EXOSC2: variants seen among roughly 807,000 people sequenced by gnomAD.
The protein encoded by EXOSC2 is exosome complex component RRP4.
Under a neutral mutation model 37.6 loss-of-function variants are expected in EXOSC2, and 29 were observed. That is an observed-to-expected ratio of 0.77 (90% CI 0.57 to 1.05). The LOEUF (loss-of-function observed/expected upper bound fraction) is 1.05. Among genes scored for constraint, EXOSC2 ranks in the 50% least tolerant of loss-of-function variants. The pLI, the probability that EXOSC2 is intolerant of heterozygous loss-of-function variation, is 0.00. For missense variants in EXOSC2, 346 were observed against 365.6 expected (o/e 0.95, Z 0.44); for synonymous variants, 119 against 131.1 (o/e 0.91, Z 0.63).
Position 130,702,322 on chromosome 9 carries a change from C to T in EXOSC2, c.672+12C>T, listed in dbSNP as rs2132642866. The stretch of plus-strand genomic sequence containing the variant: ...TTGCAAACCTGGAGGTGAGCAAACA[C>T]TGTGGCCATTTTCAGTGGGATGGAG... On this transcript the variant is annotated intron_variant, in intron 7 of 8. Coordinates refer to ENST00000372358, the MANE Select transcript of EXOSC2 (RefSeq NM_014285.7). 6.2e-7 allele frequency: 1 copy of T among 1,608,384 alleles called. No individual in the cohort carries two copies. The highest frequency in any genetic ancestry group is 2.2e-5 in the East Asian group (1 of 44,776).
At chr9:130,701,996 G>A in intron 6 of EXOSC2, 138 bp from the exon 7 acceptor site, 2 of 1,454,176 alleles carry the variant, frequency 1.4e-6, no homozygotes, top group Non-Finnish European at 1.8e-6. Context: ...TGTGTACTAT[G>A]TGTATGCATG....
Position 130,694,949 on chromosome 9 carries a change from G to A in EXOSC2, c.123-543G>A, listed in dbSNP as rs955857620. On this transcript the variant is annotated intron_variant, in intron 1 of 8. Transcript: ENST00000372358. The surrounding 1 kb of genome is among the most constrained non-coding windows in gnomAD (Gnocchi z 4.0). ...TGGTCTCGATCCCCTGACCTCAAGT[G>A]TGATCTGCCCGCCTCGGCCTCCCAA... 2.6e-5 allele frequency among the ~76,000 whole-genome samples: 4 copies of A among 151,696 alleles called. No individual in the cohort carries two copies. Among genetic ancestry groups the A allele is most frequent in the African/African-American group, 4.8e-5 (2 of 41,260 alleles).
At chr9:130,696,552 G>A (rs1448346570) in intron 2 of EXOSC2, among the ~76,000 whole-genome samples, 12 of 152,202 alleles carry the variant, frequency 7.9e-5, no homozygotes, top group Admixed American at 7.8e-4. Flanking sequence ...ACTAAGGTGG[G>A]AGCAGTGGAA....
chr9:130,693,770 T>A (rs777434826), upstream of EXOSC2: 1 of 1,569,386 alleles, frequency 6.4e-7, no homozygotes, highest in East Asian at 2.4e-5. Context: ...GAGCTGCGCC[T>A]GCGCAACTCA....
chr9:130,696,897 G>A (rs1387773777), intron 2 of EXOSC2, among the ~76,000 whole-genome samples: 5 of 152,158 alleles, frequency 3.3e-5, no homozygotes, highest in South Asian at 4.1e-4. Context: ...CCCCTATCTC[G>A]GTTTGCTATG....
intron 6 of EXOSC2, 48 bp from the exon 7 acceptor site, chr9:130,702,086 C>T (rs1275713846): frequency 6.3e-7 from 1 of 1,590,578 alleles, no homozygotes; most frequent in Non-Finnish European, 8.6e-7. Context: ...CCTTTTCATT[C>T]ATCCCGCCAA....
At chr9:130,701,142 A>G (rs1831207135) in intron 6 of EXOSC2, 1 of 524,568 alleles carries the variant, frequency 1.9e-6, no homozygotes, top group African/African-American at 2.0e-5. Flanking sequence ...CCTTGTAAAG[A>G]ACAAGTTTTA....
At chr9:130,699,483 C>T in intron 5 of EXOSC2, 89 bp downstream of exon 5, 2 of 1,281,850 alleles carry the variant, frequency 1.6e-6, no homozygotes, top group Non-Finnish European at 2.3e-6. Flanking sequence ...ACGGAAGAAC[C>T]ATGTCATCCT....
chr9:130,700,904 C>G lies in EXOSC2; in HGVS notation c.464C>G (p.Ser155Cys). ...VQAVFSDGAV[S>C]LHTRSLKYGK... ...GCAGTGTTCTCTGACGGAGCTGTCT[C>G]TTTGCACACGAGGAGCCTGAAATAT... Residue 155 changes from serine to cysteine, a missense_variant, in exon 6 of 9, where the codon TCT (serine) becomes TGT (cysteine). Coordinates refer to ENST00000372358, the MANE Select transcript of EXOSC2 (RefSeq NM_014285.7). 6.2e-7 allele frequency: 1 copy of G among 1,614,096 alleles called. No individual in the cohort carries two copies. Among genetic ancestry groups the G allele is most frequent in the Non-Finnish European group, 8.5e-7 (1 of 1,180,002 alleles).
chr9:130,697,126 C>T (rs752911557), intron 2 of EXOSC2, among the ~76,000 whole-genome samples: 7 of 152,086 alleles, frequency 4.6e-5, no homozygotes, highest in Admixed American at 2.6e-4. Context: ...GCACTGAGTA[C>T]GTCTCATTAG....
At position 130,693,854 on chromosome 9, in the gene EXOSC2, C is replaced by T. The variant is rs762130666; in HGVS notation, c.63C>T (p.Asp21=). 52 of 1,612,776 alleles carry T rather than the reference C, an allele frequency of 3.2e-5. 2 individuals are homozygous for T. In the South Asian group the frequency reaches 5.4e-4, roughly 17 times the overall value. The change falls in exon 1 of 9, where the codon GAC becomes GAT. Residue 21 remains aspartate (D), a synonymous_variant. Coordinates refer to ENST00000372358, the MANE Select transcript of EXOSC2 (RefSeq NM_014285.7). ...CTCTTAGCGAGAGACTGGGCCGCGA[C>T]ACTAAGAAACATCTAGTGGTGCCGG... ...RKPLSERLGR[D]TKKHLVVPGD...
intron 5 of EXOSC2, 119 bp downstream of exon 5, chr9:130,699,513 G>A (rs1210070486): frequency 2.9e-6 from 3 of 1,043,036 alleles, no homozygotes; most frequent in African/African-American, 1.6e-5. Context: ...CCGAGTCTTA[G>A]ACCAAGTGTC....
At chr9:130,700,601 G>A (rs180721968) in intron 5 of EXOSC2, among the ~76,000 whole-genome samples, 18 of 150,864 alleles carry the variant, frequency 1.2e-4, no homozygotes, top group Admixed American at 5.9e-4. Flanking sequence ...TCAGGTGATC[G>A]ACCTGCCTCA....
rs552205201 is a variant in EXOSC2 at position 130,700,714 on chromosome 9, G to A, written c.427-153G>A. 441 of 631,162 alleles carry A rather than the reference G, an allele frequency of 7.0e-4. 5 individuals are homozygous for A. The South Asian group carries it at 8.6e-3, about 12-fold the overall frequency. The allele number at this position is 631,162 out of a possible 1,614,324, so 39.1% of individuals were successfully genotyped here. ...CATGACAACCAAGGGGAGAGGTAAG[G>A]TCACAGTGATGTGCTCTGGGTCAAA... On this transcript the variant is annotated intron_variant, in intron 5 of 8. Coordinates refer to ENST00000372358, the MANE Select transcript of EXOSC2 (RefSeq NM_014285.7).
In EXOSC2 at chr9:130,702,254, T is replaced by C. The variant is rs373884838; in HGVS notation, c.616T>C (p.Tyr206His). ...CGGTAACAACGGCTTCATCTGGATT[T>C]ACCCAACACCTGAGCACAAAGAAGA... ...ILGNNGFIWIYPTPEHKEEEA... is the reference protein window; with the variant it reads ...ILGNNGFIWIHPTPEHKEEEA... Residue 206 changes from tyrosine to histidine, a missense_variant, in exon 7 of 9, where the codon TAC becomes CAC. Tyr to His is a moderately conservative substitution (Grantham distance 83). Coordinates refer to ENST00000372358, the MANE Select transcript of EXOSC2 (RefSeq NM_014285.7). 2.1e-4 allele frequency: 345 copies of C among 1,614,078 alleles called. No homozygotes were observed. The highest frequency in any genetic ancestry group is 2.8e-4 in the Non-Finnish European group (332 of 1,180,038).
chr9:130,703,582 A>G, intron 8 of EXOSC2, 112 bp from the exon 9 acceptor site: 1 of 803,426 alleles, frequency 1.2e-6, no homozygotes, highest in Non-Finnish European at 2.0e-6. Context: ...TCTCTGAGAC[A>G]TGAAAGGAAT....
intron 5 of EXOSC2, among the ~76,000 whole-genome samples, chr9:130,700,098 T>G (rs1831180295): frequency 6.6e-6 from 1 of 152,108 alleles, no homozygotes; most frequent in Admixed American, 6.5e-5. Context: ...CGATCTCGGC[T>G]CACTGCAACG....
Position 130,694,023 on chromosome 9 carries a change from C to G in EXOSC2, c.122+110C>G. 1 of 1,348,046 alleles carries G rather than the reference C, an allele frequency of 7.4e-7. No homozygotes were observed. Among genetic ancestry groups the G allele is most frequent in the Non-Finnish European group, 9.9e-7 (1 of 1,007,090 alleles). 83.5% of individuals were successfully genotyped at this position (1,348,046 alleles called of 1,614,324 possible). A position where few individuals can be genotyped will look rare whatever the true frequency, so the allele number is the denominator to read the frequency against. On this transcript the variant is annotated intron_variant, in intron 1 of 8. Coordinates refer to ENST00000372358, the MANE Select transcript of EXOSC2 (RefSeq NM_014285.7). This position sits in a 1 kb window ranked among gnomAD's most constrained non-coding sequence, Gnocchi z 4.0. ...GTGTAACTCCCCGCGGGACCCAGGG[C>G]ACTTCGTCTGAGCATCCTACACACC... is the stretch of plus-strand genomic sequence containing the variant.
At position 130,704,876 on chromosome 9, in the gene EXOSC2, T is replaced by C. The variant is rs1564261071; in HGVS notation, c.*1102T>C. 6.6e-6 allele frequency: 1 copy of C among 152,156 alleles called. No homozygotes were observed. The highest frequency in any genetic ancestry group is 6.6e-5 in the Admixed American group (1 of 15,258). 9.4% of individuals were successfully genotyped at this position (152,156 alleles called of 1,614,324 possible). ...TCGCTGAAGAATGTGAGAATTCCTGTGCATTGTTTTTTCTGATGACTATCT... is the reference window on the plus strand; with the variant it reads ...TCGCTGAAGAATGTGAGAATTCCTGCGCATTGTTTTTTCTGATGACTATCT... On this transcript the variant is annotated 3_prime_UTR_variant, in exon 9 of 9. Coordinates refer to ENST00000372358, the MANE Select transcript of EXOSC2 (RefSeq NM_014285.7).
Sources: gnomAD v4.1 joint callset for allele counts (sites outside exome capture counted in the v4.1 genomes callset) on GRCh38, gnomAD v4.1.1 for gene constraint, Gnocchi (gnomAD v3.1) non-coding constraint, MANE v1.5 for transcripts, NCBI Gene and HGNC (gene_info 2026-07-23, HGNC 2026-07-21) for gene names.